Variants in SAMMSON observed in about 807,000 individuals in gnomAD.
SAMMSON encodes survival associated mitochondrial melanoma specific oncogenic non-coding RNA.
chr3:70,408,370 T>C (rs2106767083), intron 2 of SAMMSON, among the ~76,000 whole-genome samples: 1 of 152,372 alleles, frequency 6.6e-6, no homozygotes, highest in East Asian at 1.9e-4. Context: ...GCACATTTTC[T>C]GAACTTTTAT....
intron 6 of SAMMSON, among the ~76,000 whole-genome samples, chr3:70,278,163 A>G (rs1460027963): frequency 6.6e-6 from 1 of 152,146 alleles, no homozygotes; most frequent in Non-Finnish European, 1.5e-5. Flanking sequence ...GCCTGTTCTT[A>G]TATAAATGGG....
chr3:70,146,832 C>A (rs541124036), intron 4 of SAMMSON, among the ~76,000 whole-genome samples: 1 of 151,846 alleles, frequency 6.6e-6, no homozygotes, highest in African/African-American at 2.4e-5. Flanking sequence ...TCCAGTACAA[C>A]CAAGCTAGAA....
intron 8 of SAMMSON, among the ~76,000 whole-genome samples, chr3:70,355,455 G>T (rs893630501): frequency 2.6e-5 from 4 of 151,860 alleles, no homozygotes; most frequent in African/African-American, 7.3e-5. Flanking sequence ...AACAAAAACA[G>T]GGTGTTATTT....
At chr3:70,360,194 G>C (rs529776824) in intron 9 of SAMMSON, among the ~76,000 whole-genome samples, 1 of 152,054 alleles carries the variant, frequency 6.6e-6, no homozygotes, top group Non-Finnish European at 1.5e-5. Context: ...AAGGAGAAGA[G>C]CAAAAGATCT....
chr3:70,329,926 C>T (rs540140886), intron 7 of SAMMSON, among the ~76,000 whole-genome samples: 33 of 151,896 alleles, frequency 2.2e-4, no homozygotes, highest in African/African-American at 7.5e-4. Flanking sequence ...ACTTCATACA[C>T]CCACCAAGTA....
At chr3:70,112,580 T>G (rs2067394159) in intron 4 of SAMMSON, among the ~76,000 whole-genome samples, 1 of 152,064 alleles carries the variant, frequency 6.6e-6, no homozygotes, top group Non-Finnish European at 1.5e-5. Context: ...AGAAGAACAA[T>G]AGTTCACCCT....
chr3:70,129,123 G>A (rs2067470366), intron 4 of SAMMSON, among the ~76,000 whole-genome samples: 1 of 152,040 alleles, frequency 6.6e-6, no homozygotes, highest in Non-Finnish European at 1.5e-5. Context: ...ATATGTATCT[G>A]GCCTGTGTCT....
chr3:70,019,934 G>A (rs921133749), intron 3 of SAMMSON, among the ~76,000 whole-genome samples: 2 of 152,122 alleles, frequency 1.3e-5, no homozygotes, highest in African/African-American at 4.8e-5. Context: ...AAAATTTGGT[G>A]GAATGTGAGT....
At chr3:70,244,666 T>C (rs1701689977) in intron 4 of SAMMSON, among the ~76,000 whole-genome samples, 2 of 152,170 alleles carry the variant, frequency 1.3e-5, no homozygotes, top group Admixed American at 6.6e-5. Context: ...CTTAGAATAA[T>C]AGACTCAAAT....
intron 4 of SAMMSON, among the ~76,000 whole-genome samples, chr3:70,227,199 G>T (rs1426249630): frequency 6.6e-6 from 1 of 152,132 alleles, no homozygotes; most frequent in Non-Finnish European, 1.5e-5. Flanking sequence ...GATGGAGGAT[G>T]AATTAGAAAG....
At chr3:70,110,362 A>G (rs1379341872) in intron 4 of SAMMSON, among the ~76,000 whole-genome samples, 1 of 152,122 alleles carries the variant, frequency 6.6e-6, no homozygotes, top group Non-Finnish European at 1.5e-5. Context: ...CCCAGGGTTA[A>G]TGTCTTAGGA....
At chr3:70,109,607 C>T (rs189167527) in intron 4 of SAMMSON, among the ~76,000 whole-genome samples, 11 of 152,232 alleles carry the variant, frequency 7.2e-5, no homozygotes, top group Admixed American at 3.3e-4. Context: ...TGTGTCCTTT[C>T]GGATACTCTC....
intron 7 of SAMMSON, among the ~76,000 whole-genome samples, chr3:70,328,164 A>C (rs888978080): frequency 6.6e-6 from 1 of 152,186 alleles, no homozygotes; most frequent in Non-Finnish European, 1.5e-5. Context: ...GTCTGCCCCC[A>C]TGATTTATAT....
At position 70,034,445 on chromosome 3, in the gene SAMMSON, A is replaced by G. The variant is rs1576103671; in HGVS notation, n.417+20773A>G. 3.3e-5 allele frequency among the ~76,000 whole-genome samples: 5 copies of G among 152,182 alleles called. No individual in the cohort carries two copies. In the South Asian group the frequency reaches 1.0e-3, roughly 32 times the overall value. ...CTGCCATTGATAAGAGCCAAAAAAG[A>G]AAATGTTTAAGCCTGGAAACCATGC... is the stretch of plus-strand genomic sequence containing the variant. On this transcript the variant is annotated intron_variant and non_coding_transcript_variant, in intron 3 of 9. Transcript: ENST00000642114.
chr3:70,363,834 CAGAGAG>C (rs143548030), intron 9 of SAMMSON, among the ~76,000 whole-genome samples: 27 of 149,492 alleles, frequency 1.8e-4, no homozygotes, highest in South Asian at 1.7e-3. Flanking sequence ...GTGTGCATGA[CAGAGAG>C]AGAGTGTGAA....
At chr3:70,056,505 C>G (rs1387089023) in intron 3 of SAMMSON, among the ~76,000 whole-genome samples, 2 of 151,706 alleles carry the variant, frequency 1.3e-5, no homozygotes, top group Non-Finnish European at 2.9e-5. Context: ...ACAACCTGTC[C>G]CCTTTTCCAA....
intron 7 of SAMMSON, among the ~76,000 whole-genome samples, chr3:70,291,621 C>T (rs57065481): frequency 6.6e-6 from 1 of 152,122 alleles, no homozygotes; most frequent in Admixed American, 6.5e-5. Flanking sequence ...AAATGACAAA[C>T]CCCTGGCTGT....
intron 9 of SAMMSON, among the ~76,000 whole-genome samples, chr3:70,378,386 T>C (rs1281270966): frequency 6.6e-6 from 1 of 151,968 alleles, no homozygotes; most frequent in Non-Finnish European, 1.5e-5. Context: ...ATTGTACTTA[T>C]ATAAAAATAA....
chr3:70,037,813 A>G (rs1471443110), intron 3 of SAMMSON, among the ~76,000 whole-genome samples: 3 of 152,140 alleles, frequency 2.0e-5, no homozygotes, highest in Non-Finnish European at 2.9e-5. Flanking sequence ...CTCTCAATTG[A>G]CCTAAGGTGA....
Sources: allele counts gnomAD v4.1 joint callset (sites outside exome capture counted in the v4.1 genomes callset), GRCh38; gene constraint gnomAD v4.1.1; transcripts MANE v1.5; gene names NCBI Gene and HGNC (gene_info 2026-07-23, HGNC 2026-07-21).